Variants in TSPAN31 observed in about 807,000 individuals in gnomAD.
TSPAN31 encodes the protein tetraspanin-31.
TSPAN31 carries 16 observed loss-of-function variants against 24.8 expected under a neutral mutation model. The observed-to-expected ratio is 0.64, with a 90% confidence interval of 0.44 to 0.98. TSPAN31 has a LOEUF of 0.98. TSPAN31 is among the 50% of genes least tolerant of loss of function. The probability of loss-of-function intolerance (pLI) is 0.00; values close to 1 mark genes in which losing one functional copy is unlikely to be tolerated. For synonymous variants in TSPAN31, 87 were observed against 91.4 expected, an observed-to-expected ratio of 0.95 and a Z score of 0.27; for missense variants, 209 against 251.6, an observed-to-expected ratio of 0.83 and a Z score of 1.15.
chr12:57,748,133 C>T lies in TSPAN31; in HGVS notation c.*843C>T, dbSNP rs1955180603. The T allele has an allele frequency of 6.2e-6, 2 of 321,362 alleles. No individual in the cohort carries two copies. The highest frequency in any genetic ancestry group is 5.8e-6 in the Non-Finnish European group (1 of 171,630). 19.9% of individuals were successfully genotyped at this position (321,362 alleles called of 1,614,324 possible). On this transcript the variant is annotated 3_prime_UTR_variant, in exon 6 of 6. Transcript: ENST00000257910. ...GACTTCCTAGGCCCTGTAATTTAAC[C>T]AGTCTTTAAGGTTTTGCAGGAAAGT... is the stretch of plus-strand genomic sequence containing the variant.
Position 57,749,535 on chromosome 12 carries a change from C to A in TSPAN31, c.*2245C>A, listed in dbSNP as rs1281743961. 6.2e-7 allele frequency: 1 copy of A among 1,607,284 alleles called. No individual in the cohort carries two copies. The highest frequency in any genetic ancestry group is 8.5e-7 in the Non-Finnish European group (1 of 1,173,932). On this transcript the variant is annotated 3_prime_UTR_variant, in exon 6 of 6. Transcript: ENST00000257910. ...GTGAGAAGGGATATAAGGTAGCAGT[C>A]ATTTTCAAAGATATCTTAGTTGAAT... is the stretch of plus-strand genomic sequence containing the variant.
intron 4 of TSPAN31, 119 bp downstream of exon 4, chr12:57,746,839 A>G: frequency 6.8e-7 from 1 of 1,467,166 alleles, no homozygotes; most frequent in Non-Finnish European, 9.4e-7. Flanking sequence ...GCCCTCTTGT[A>G]TTGGGGCTGT....
Position 57,745,121 on chromosome 12 carries a change from C to A in TSPAN31, c.-34C>A. 1.3e-6 allele frequency: 2 copies of A among 1,574,888 alleles called. No individual in the cohort carries two copies. The highest frequency in any genetic ancestry group is 1.7e-6 in the Non-Finnish European group (2 of 1,157,586). On this transcript the variant is annotated 5_prime_UTR_variant, in exon 1 of 6. Transcript: ENST00000257910. ...GGTCCCCAATACCCTCCCCCCAAGT[C>A]CTTGGGACCACTTGGGTCCCCAGAG...
At position 57,747,997 on chromosome 12, in the gene TSPAN31, C is replaced by G. The variant is rs1478581811; in HGVS notation, c.*707C>G. On this transcript the variant is annotated 3_prime_UTR_variant, in exon 6 of 6. Coordinates refer to ENST00000257910, the MANE Select transcript of TSPAN31 (RefSeq NM_005981.5). ...CCTCAGGTGATCCACCCGCGTTGGC[C>G]TCCCAACGTGCTGGGATTATAGGCG... 1 of 222,804 alleles carries G rather than the reference C, an allele frequency of 4.5e-6. No homozygotes were observed. Among genetic ancestry groups the G allele is most frequent in the East Asian group, 7.1e-5 (1 of 14,096 alleles). The allele number at this position is 222,804 out of a possible 1,614,324, so 13.8% of individuals were successfully genotyped here.
At position 57,749,559 on chromosome 12, in the gene TSPAN31, A is replaced by G; in HGVS notation, c.*2269A>G. 2.0e-6 allele frequency: 3 copies of G among 1,528,210 alleles called. No individual in the cohort carries two copies. Among genetic ancestry groups the G allele is most frequent in the Non-Finnish European group, 2.7e-6 (3 of 1,102,458 alleles). The allele number at this position is 1,528,210 out of a possible 1,614,324, so 94.7% of individuals were successfully genotyped here. A position where few individuals can be genotyped will look rare whatever the true frequency, so the allele number is the denominator to read the frequency against. On this transcript the variant is annotated 3_prime_UTR_variant, in exon 6 of 6. Coordinates refer to ENST00000257910, the MANE Select transcript of TSPAN31 (RefSeq NM_005981.5). ...TCATTTTCAAAGATATCTTAGTTGA[A>G]TGGTTACTGCTTAGTGGCTCAAAAT... is the stretch of plus-strand genomic sequence containing the variant.
At position 57,749,314 on chromosome 12, in the gene TSPAN31, C is replaced by A. The variant is rs1188210870; in HGVS notation, c.*2024C>A. On this transcript the variant is annotated 3_prime_UTR_variant, in exon 6 of 6. Transcript: ENST00000257910. ...AGTCATCCTCTGGAGGCAGCCCAAT[C>A]AGGCTGTGGGGGACAGGAGAACTCT... is the stretch of plus-strand genomic sequence containing the variant. 1 of 1,614,188 alleles carries A rather than the reference C, an allele frequency of 6.2e-7. No individual in the cohort carries two copies.
rs1047001789 is a variant in TSPAN31 at position 57,747,791 on chromosome 12, G to A, written c.*501G>A. 10 of 164,968 alleles carry A rather than the reference G, an allele frequency of 6.1e-5. No individual in the cohort carries two copies. The highest frequency in any genetic ancestry group is 1.2e-4 in the Non-Finnish European group (9 of 75,788). The allele number at this position is 164,968 out of a possible 1,614,324, so 10.2% of individuals were successfully genotyped here. A position where few individuals can be genotyped will look rare whatever the true frequency, so the allele number is the denominator to read the frequency against. On this transcript the variant is annotated 3_prime_UTR_variant, in exon 6 of 6. Transcript: ENST00000257910. ...AGAGTCTTGCTCTGTTGCCCAGGCT[G>A]GAGTGCAATGGCATGATCTCGGCTC...
rs1595108591 is a variant in TSPAN31, at chr12:57,749,160, T to G, written c.*1870T>G. The G allele has an allele frequency of 6.2e-7, 1 of 1,613,986 alleles. No homozygotes were observed. Among genetic ancestry groups the G allele is most frequent in the East Asian group, 2.2e-5 (1 of 44,890 alleles). On this transcript the variant is annotated 3_prime_UTR_variant, in exon 6 of 6. Coordinates refer to ENST00000257910, the MANE Select transcript of TSPAN31 (RefSeq NM_005981.5). The stretch of plus-strand genomic sequence containing the variant: ...TCCCCAGTCTCTATTTCTTTCCCTG[T>G]GCCCACAGCCATCTCCAGTACCAGC...
rs1400548235 is a variant in TSPAN31, at chr12:57,748,762, A to G, written c.*1472A>G. The G allele has an allele frequency of 3.1e-6, 2 of 649,444 alleles. No individual in the cohort carries two copies. Among genetic ancestry groups the G allele is most frequent in the South Asian group, 1.6e-5 (1 of 60,996 alleles). The allele number at this position is 649,444 out of a possible 1,614,324, so 40.2% of individuals were successfully genotyped here. A position where few individuals can be genotyped will look rare whatever the true frequency, so the allele number is the denominator to read the frequency against. On this transcript the variant is annotated 3_prime_UTR_variant, in exon 6 of 6. Transcript: ENST00000257910. ...GCTCTATCACCCAGGCTGGAGTGCA[A>G]TGGTATGATCTCAGCTCACTGCAAC...
rs1955183611 is a variant in TSPAN31 at position 57,748,317 on chromosome 12, TA to T, written c.*1028del. 1.7e-6 allele frequency: 1 copy of T among 593,474 alleles called. No homozygotes were observed. The highest frequency in any genetic ancestry group is 3.1e-6 in the Non-Finnish European group (1 of 325,990). The allele number at this position is 593,474 out of a possible 1,614,324, so 36.8% of individuals were successfully genotyped here. ...GTAGGGAAAGGGACAAGAGGGAACA[TA>T]CCCCTTAGTGTAGAGAAATGGGAAG... On this transcript the variant is annotated 3_prime_UTR_variant, in exon 6 of 6. Coordinates refer to ENST00000257910, the MANE Select transcript of TSPAN31 (RefSeq NM_005981.5).
chr12:57,747,314 C>CT lies in TSPAN31; in HGVS notation c.*26dup. On this transcript the variant is annotated 3_prime_UTR_variant, in exon 6 of 6. Coordinates refer to ENST00000257910, the MANE Select transcript of TSPAN31 (RefSeq NM_005981.5). ...GAGACTTTGGATCCTTCTGACTTTT[C>CT]TTCTGCTCTCTCTAAGCTTTCTCTT... 6.2e-7 allele frequency: 1 copy of CT among 1,604,442 alleles called. No individual in the cohort carries two copies. The highest frequency in any genetic ancestry group is 1.1e-5 in the South Asian group (1 of 90,870).
Position 57,749,603 on chromosome 12 carries a change from AG to A in TSPAN31, c.*2315del. ...TCAAAATAGGAAGTATAGGGAATAA[AG>A]GCCAACAATTCCAGCACTTTGGGAT... is the stretch of plus-strand genomic sequence containing the variant. On this transcript the variant is annotated 3_prime_UTR_variant, in exon 6 of 6. Coordinates refer to ENST00000257910, the MANE Select transcript of TSPAN31 (RefSeq NM_005981.5). 1 of 1,177,448 alleles carries A rather than the reference AG, an allele frequency of 8.5e-7. No homozygotes were observed. The highest frequency in any genetic ancestry group is 1.3e-6 in the Non-Finnish European group (1 of 796,000). 72.9% of individuals were successfully genotyped at this position (1,177,448 alleles called of 1,614,324 possible).
In TSPAN31 at chr12:57,749,621, C is replaced by A; in HGVS notation, c.*2331C>A. Reference sequence around the variant, plus strand: ...GGAATAAAGGCCAACAATTCCAGCACTTTGGGATGCTGAGGTGAGAGGACT... The same window carrying A: ...GGAATAAAGGCCAACAATTCCAGCAATTTGGGATGCTGAGGTGAGAGGACT... On this transcript the variant is annotated 3_prime_UTR_variant, in exon 6 of 6. Transcript: ENST00000257910. 1 of 983,222 alleles carries A rather than the reference C, an allele frequency of 1.0e-6. No homozygotes were observed. The highest frequency in any genetic ancestry group is 1.9e-5 in the Admixed American group (1 of 51,460). The allele number at this position is 983,222 out of a possible 1,614,324, so 60.9% of individuals were successfully genotyped here. A position where few individuals can be genotyped will look rare whatever the true frequency, so the allele number is the denominator to read the frequency against.
In TSPAN31 at chr12:57,748,347, AAGG is replaced by A; in HGVS notation, c.*1060_*1062del. The stretch of plus-strand genomic sequence containing the variant: ...CTTAGTGTAGAGAAATGGGAAGGAG[AAGG>A]AGAAGCCTCAAAAGGAGAGGTGGGA... On this transcript the variant is annotated 3_prime_UTR_variant, in exon 6 of 6. Coordinates refer to ENST00000257910, the MANE Select transcript of TSPAN31 (RefSeq NM_005981.5). The A allele has an allele frequency of 2.9e-6, 2 of 685,536 alleles. No individual in the cohort carries two copies. Among genetic ancestry groups the A allele is most frequent in the Non-Finnish European group, 5.4e-6 (2 of 372,418 alleles). 42.5% of individuals were successfully genotyped at this position (685,536 alleles called of 1,614,324 possible). A position where few individuals can be genotyped will look rare whatever the true frequency, so the allele number is the denominator to read the frequency against.
Position 57,749,879 on chromosome 12 carries a change from C to A in TSPAN31, c.*2589C>A, listed in dbSNP as rs2140384603. The A allele has an allele frequency of 3.2e-6, 1 of 307,922 alleles. No homozygotes were observed. The highest frequency in any genetic ancestry group is 2.2e-5 in the African/African-American group (1 of 45,816). 19.1% of individuals were successfully genotyped at this position (307,922 alleles called of 1,614,324 possible). On this transcript the variant is annotated 3_prime_UTR_variant, in exon 6 of 6. Coordinates refer to ENST00000257910, the MANE Select transcript of TSPAN31 (RefSeq NM_005981.5). ...GAGCATGGTGGCGTGCACCTGTGGT[C>A]CCAGCTACTTGGGAGGCTGAGTCAA...
chr12:57,745,298 G>A (rs1565802912), intron 1 of TSPAN31, 81 bp downstream of exon 1: 3 of 1,427,120 alleles, frequency 2.1e-6, no homozygotes, highest in Non-Finnish European at 2.9e-6. Context: ...GGTGGGGAGA[G>A]GGGTGTATGG....
intron 3 of TSPAN31, 147 bp from the exon 4 acceptor site, chr12:57,746,442 T>C: frequency 5.7e-6 from 7 of 1,219,580 alleles, no homozygotes; most frequent in Non-Finnish European, 7.2e-6. Flanking sequence ...CTAGAGAACC[T>C]CAAAAGGTAG....
rs1307245862 is a variant in TSPAN31, at chr12:57,749,502, G to A, written c.*2212G>A. On this transcript the variant is annotated 3_prime_UTR_variant, in exon 6 of 6. Transcript: ENST00000257910. ...GGCTTCAGAGTTTCCACAGAAGAGA[G>A]GCCTAAGGTGAGAAGGGATATAAGG... 6.2e-7 allele frequency: 1 copy of A among 1,614,120 alleles called. No individual in the cohort carries two copies. The highest frequency in any genetic ancestry group is 8.5e-7 in the Non-Finnish European group (1 of 1,179,936).
Position 57,749,266 on chromosome 12 carries a change from GGGCAGGGATACATCTCGA to G in TSPAN31, c.*1980_*1997del. On this transcript the variant is annotated 3_prime_UTR_variant, in exon 6 of 6. Transcript: ENST00000257910. The stretch of plus-strand genomic sequence containing the variant: ...GCCCTCTGGGGGGAAAGGCTCCACG[GGGCAGGGATACATCTCGA>G]GGCCAGTCATCCTCTGGAGGCAGCC... The G allele has an allele frequency of 6.2e-7, 1 of 1,614,170 alleles. No individual in the cohort carries two copies. The highest frequency in any genetic ancestry group is 8.5e-7 in the Non-Finnish European group (1 of 1,180,000).
Sources: allele counts gnomAD v4.1 joint callset, GRCh38; gene constraint gnomAD v4.1.1; transcripts MANE v1.5; gene names NCBI Gene and HGNC (gene_info 2026-07-23, HGNC 2026-07-21).